DLG5: variants seen among roughly 807,000 people sequenced by gnomAD.
DLG5 encodes discs large MAGUK scaffold protein 5, also known as disks large homolog 5.
In DLG5, 48 loss-of-function variants were observed where a neutral mutation model predicts 189.8. The observed-to-expected ratio is 0.25, with a 90% CI of 0.20 to 0.32. The LOEUF (loss-of-function observed/expected upper bound fraction) is 0.32, where lower values mean the gene tolerates loss of function less well. DLG5 is among the 10% of genes least tolerant of loss of function. The pLI, the probability that DLG5 is intolerant of heterozygous loss-of-function variation, is 1.00. For synonymous variants in DLG5, 1,016 were observed against 1,054.1 expected (o/e 0.96, Z 0.70); for missense variants, 2,160 against 2,544.7 (o/e 0.85, Z 3.25).
chr10:77,798,736 T>G lies in DLG5; in HGVS notation c.5165-2142A>C, dbSNP rs185446619. On this transcript the variant is annotated intron_variant, in intron 27 of 31. Transcript: ENST00000372391. ...CTTATTCTGGATCGACTTATCCACT[T>G]CCCTGCTGATGGACACTACGTCACC... 5.5e-4 allele frequency among the ~76,000 whole-genome samples: 83 copies of G among 152,292 alleles called. 1 individual carries two copies. In the East Asian group the frequency reaches 0.014, roughly 26 times the overall value.
At chr10:77,911,447 C>T (rs977812321) in intron 1 of DLG5, among the ~76,000 whole-genome samples, 1 of 152,162 alleles carries the variant, frequency 6.6e-6, no homozygotes, top group South Asian at 2.1e-4. Flanking sequence ...TTACTTCTTA[C>T]GTTAAAATAT....
rs115463693 is a variant in DLG5 at position 77,890,334 on chromosome 10, C to A, written c.305-21137G>T. 4.1e-3 allele frequency among the ~76,000 whole-genome samples: 620 copies of A among 152,260 alleles called. 5 individuals are homozygous for A. The highest frequency in any genetic ancestry group is 0.014 in the African/African-American group (581 of 41,548). On this transcript the variant is annotated intron_variant, in intron 1 of 31. Coordinates refer to ENST00000372391, the MANE Select transcript of DLG5 (RefSeq NM_004747.4). ...GTCCTACCTCCAAGCCTCTTGTGCT[C>A]GTCACTTCCTCTCCACTGCCACGAT...
At chr10:77,831,024 G>T in intron 9 of DLG5, 151 bp from the exon 10 acceptor site, 3 of 943,920 alleles carry the variant, frequency 3.2e-6, no homozygotes, top group Non-Finnish European at 3.0e-6. Flanking sequence ...TCAGGTCAAG[G>T]CTGCTGGGAT....
chr10:77,930,020 T>C (rs1846771612), upstream of DLG5, among the ~76,000 whole-genome samples: 1 of 152,300 alleles, frequency 6.6e-6, no homozygotes, highest in Admixed American at 6.5e-5. Context: ...TTTCCTACTT[T>C]CTTCTGGTCT....
rs374125361 is a variant in DLG5, at chr10:77,911,797, C to T, written c.304+14420G>A. Among the ~76,000 whole-genome samples, 12 of 152,136 alleles carry T rather than the reference C, an allele frequency of 7.9e-5. No individual in the cohort carries two copies. The South Asian group carries it at 2.5e-3, about 32-fold the overall frequency. ...CTTTCCACACGGGCAGCCCTGCAGC[C>T]CCCACGGCAGGCTGCATGTTAGCAG... On this transcript the variant is annotated intron_variant, in intron 1 of 31. Transcript: ENST00000372391.
intron 1 of DLG5, among the ~76,000 whole-genome samples, chr10:77,918,599 G>A (rs568630400): frequency 6.6e-6 from 1 of 152,186 alleles, no homozygotes; most frequent in Non-Finnish European, 1.5e-5. Context: ...ATCTCTATTT[G>A]GTTTAAAATG....
chr10:77,824,321 A>G (rs113703056), intron 14 of DLG5, 63 bp downstream of exon 14: 116 of 1,258,676 alleles, frequency 9.2e-5, no homozygotes, highest in Middle Eastern at 7.0e-4. Flanking sequence ...TAGCATGGCT[A>G]TGTGGAGCCG....
At chr10:77,840,710 A>G (rs370897554) in intron 7 of DLG5, among the ~76,000 whole-genome samples, 192 of 152,276 alleles carry the variant, frequency 1.3e-3, no homozygotes, top group African/African-American at 4.2e-3. Flanking sequence ...CACGAGACTC[A>G]GTCTCATAAA....
At chr10:77,854,144 C>G in intron 4 of DLG5, 83 bp downstream of exon 4, 1 of 1,533,202 alleles carries the variant, frequency 6.5e-7, no homozygotes, top group Admixed American at 1.9e-5. Flanking sequence ...ACCAGAACCC[C>G]TGGCTACTAA....
chr10:77,888,519 C>G (rs1359123793), intron 1 of DLG5, among the ~76,000 whole-genome samples: 1 of 152,202 alleles, frequency 6.6e-6, no homozygotes, highest in East Asian at 1.9e-4. Flanking sequence ...TAATATTCAT[C>G]AGGCGGAGCT....
At chr10:77,915,993 G>A (rs191824578) in intron 1 of DLG5, among the ~76,000 whole-genome samples, 22 of 152,216 alleles carry the variant, frequency 1.4e-4, no homozygotes, top group East Asian at 5.8e-4. Flanking sequence ...TTCAATAATG[G>A]ATTGTTTGAG....
chr10:77,846,986 C>G (rs539214385), intron 5 of DLG5, among the ~76,000 whole-genome samples: 1 of 152,288 alleles, frequency 6.6e-6, no homozygotes, highest in South Asian at 2.1e-4. Context: ...TCGGCAGAAT[C>G]AGGAGTCTAT....
At chr10:77,829,729 C>G (rs764788472) in intron 11 of DLG5, among the ~76,000 whole-genome samples, 199 bp from the exon 12 acceptor site, 1 of 152,226 alleles carries the variant, frequency 6.6e-6, no homozygotes, top group South Asian at 2.1e-4. Context: ...AATCCTGGCC[C>G]TACCACTTAC....
In DLG5 at chr10:77,854,219, T is replaced by A. The variant is rs951249993; in HGVS notation, c.680+8A>T. 1 of 1,613,816 alleles carries A rather than the reference T, an allele frequency of 6.2e-7. No individual in the cohort carries two copies. Among genetic ancestry groups the A allele is most frequent in the Admixed American group, 1.7e-5 (1 of 59,986 alleles). The stretch of plus-strand genomic sequence containing the variant: ...GTTGGAGGCCCTGGCCAAGCAGGCC[T>A]CACTCACTGGTAGAAGTCAGTCTCC... On this transcript the variant is annotated splice_region_variant and intron_variant, in intron 4 of 31. Transcript: ENST00000372391.
intron 2 of DLG5, among the ~76,000 whole-genome samples, chr10:77,862,895 G>A (rs546815255): frequency 6.6e-6 from 1 of 152,178 alleles, no homozygotes; most frequent in Non-Finnish European, 1.5e-5. Flanking sequence ...AAAGAGATGA[G>A]TGGCTGCCAA....
At chr10:77,932,939 A>G in the DLG5 span, among the ~76,000 whole-genome samples, 1 of 152,154 alleles carries the variant, frequency 6.6e-6, no homozygotes. Flanking sequence ...TGCCTCTAAA[A>G]TATGTTCTTT....
intron 7 of DLG5, among the ~76,000 whole-genome samples, chr10:77,839,165 T>C (rs1386135251): frequency 6.6e-6 from 1 of 152,202 alleles, no homozygotes; most frequent in Non-Finnish European, 1.5e-5. Flanking sequence ...ATCTCTGTGC[T>C]TTCTATATTT....
At chr10:77,876,712 AGGG>A (rs1564569719) in intron 1 of DLG5, among the ~76,000 whole-genome samples, 47 of 37,798 alleles carry the variant, frequency 1.2e-3, no homozygotes, top group African/African-American at 4.0e-3. Flanking sequence ...GAAGGAAGGG[AGGG>A]AGGGAGGGAG....
intron 26 of DLG5, 69 bp from the exon 27 acceptor site, chr10:77,805,930 T>A: frequency 6.7e-7 from 1 of 1,491,014 alleles, no homozygotes; most frequent in Non-Finnish European, 9.1e-7. Context: ...CTGCCCTTCC[T>A]GGTGAGAAAA....
Sources: gnomAD v4.1 joint callset for allele counts (sites outside exome capture counted in the v4.1 genomes callset) on GRCh38, gnomAD v4.1.1 for gene constraint, MANE v1.5 for transcripts, NCBI Gene and HGNC (gene_info 2026-07-23, HGNC 2026-07-21) for gene names.